MTUS2: variants seen among roughly 807,000 people sequenced by gnomAD.
The protein encoded by MTUS2 is microtubule-associated tumor suppressor candidate 2.
In MTUS2, 40 loss-of-function variants were observed where a neutral mutation model predicts 114.1. That is an observed-to-expected ratio of 0.35 (90% CI 0.27 to 0.46). The LOEUF is 0.46. MTUS2 is among the 20% of genes least tolerant of loss of function. The pLI is 1.00. For missense variants in MTUS2, 1,679 were observed against 1,705.4 expected (o/e 0.98, Z 0.27); for synonymous variants, 688 against 672.0 (o/e 1.02, Z -0.37).
At chr13:29,226,165 A>G (rs906129326) in intron 5 of MTUS2, among the ~76,000 whole-genome samples, 3 of 152,184 alleles carry the variant, frequency 2.0e-5, no homozygotes, top group Non-Finnish European at 4.4e-5. Context: ...ATAACATTAC[A>G]TATTCTTCAT....
intron 2 of MTUS2, among the ~76,000 whole-genome samples, chr13:29,006,831 C>G (rs1310106074): frequency 6.6e-6 from 1 of 152,172 alleles, no homozygotes; most frequent in Non-Finnish European, 1.5e-5. Flanking sequence ...TGACTCTCTT[C>G]TGATGCTGCA....
chr13:29,498,377 G>T, intron 13 of MTUS2, 41 bp from the exon 14 acceptor site: 1 of 1,611,008 alleles, frequency 6.2e-7, no homozygotes, highest in Non-Finnish European at 8.5e-7. Flanking sequence ...GGGTTTTGCC[G>T]GGAATCCTGG....
intron 5 of MTUS2, among the ~76,000 whole-genome samples, chr13:29,255,916 A>G (rs1232547729): frequency 6.6e-6 from 1 of 152,220 alleles, no homozygotes; most frequent in Non-Finnish European, 1.5e-5. Context: ...CTGACCCTGT[A>G]TCTACTGCCT....
At chr13:29,215,778 GCCAGC>G (rs534461067) in intron 5 of MTUS2, among the ~76,000 whole-genome samples, 3 of 152,244 alleles carry the variant, frequency 2.0e-5, no homozygotes. Context: ...CCTGCCACAT[GCCAGC>G]CAGAGCTCTC....
intron 5 of MTUS2, among the ~76,000 whole-genome samples, chr13:29,172,009 A>C (rs1271019833): frequency 6.6e-6 from 1 of 152,212 alleles, no homozygotes; most frequent in African/African-American, 2.4e-5. Context: ...AGGTGGCCAC[A>C]TGCCCCACTA....
chr13:29,163,796 A>G (rs1893200190), intron 5 of MTUS2, among the ~76,000 whole-genome samples: 2 of 152,170 alleles, frequency 1.3e-5, no homozygotes, highest in Non-Finnish European at 1.5e-5. Flanking sequence ...CAACCTATGC[A>G]TGAGACACTT....
intron 7 of MTUS2, among the ~76,000 whole-genome samples, chr13:29,351,084 T>A (rs955563039): frequency 6.6e-6 from 1 of 151,500 alleles, no homozygotes; most frequent in African/African-American, 2.4e-5. Flanking sequence ...CAGGTGGAAG[T>A]GGATTTCAAG....
chr13:29,094,403 C>A (rs975792792), intron 4 of MTUS2, among the ~76,000 whole-genome samples: 1 of 151,336 alleles, frequency 6.6e-6, no homozygotes, highest in African/African-American at 2.4e-5. Flanking sequence ...TCTATTTCTT[C>A]TTGATTCAGC....
chr13:29,046,156 C>G (rs1887607593), intron 4 of MTUS2, among the ~76,000 whole-genome samples: 2 of 151,666 alleles, frequency 1.3e-5, no homozygotes, highest in Admixed American at 1.3e-4. Context: ...CTCTGTCACC[C>G]AGGCTGGAGT....
intron 5 of MTUS2, among the ~76,000 whole-genome samples, chr13:29,154,636 G>C (rs1566036078): frequency 6.6e-6 from 1 of 152,192 alleles, no homozygotes; most frequent in South Asian, 2.1e-4. Flanking sequence ...TCTGCCAGGA[G>C]AATCAATGCA....
chr13:29,375,589 G>GAAA lies in MTUS2; in HGVS notation c.3117+16116_3117+16117insAAA, dbSNP rs1566163563. 3.1e-3 allele frequency among the ~76,000 whole-genome samples: 11 copies of GAAA among 3,556 alleles called. 3 individuals carry two copies. Among genetic ancestry groups the GAAA allele is most frequent in the African/African-American group, 9.6e-3 (11 of 1,146 alleles). The allele number at this position is 3,556 out of a possible 152,430, so 2.3% of individuals were successfully genotyped here. A position where few individuals can be genotyped will look rare whatever the true frequency, so the allele number is the denominator to read the frequency against. ...TATATATATACATATATATATATACGTATATATATATATATATACGTATAT... is the reference window on the plus strand; with the variant it reads ...TATATATATACATATATATATATACGAAATATATATATATATATATACGTATAT... On this transcript the variant is annotated intron_variant, in intron 8 of 15. Coordinates refer to ENST00000612955, the MANE Select transcript of MTUS2 (RefSeq NM_001033602.4).
At chr13:28,845,235 C>T (rs1875792145) in intron 2 of MTUS2, among the ~76,000 whole-genome samples, 2 of 152,216 alleles carry the variant, frequency 1.3e-5, no homozygotes, top group South Asian at 4.1e-4. Flanking sequence ...CAGGCGTGAG[C>T]CACCGCTCCT....
intron 6 of MTUS2, among the ~76,000 whole-genome samples, chr13:29,293,763 G>C (rs1207402028): frequency 6.6e-6 from 1 of 151,930 alleles, no homozygotes; most frequent in Non-Finnish European, 1.5e-5. Context: ...TAAAAAATGA[G>C]ATAGATCTAC....
chr13:28,911,813 C>T lies in MTUS2; in HGVS notation c.-243+71963C>T, dbSNP rs7995879. 6.2e-3 allele frequency among the ~76,000 whole-genome samples: 908 copies of T among 145,316 alleles called. 11 individuals carry two copies. Among genetic ancestry groups the T allele is most frequent in the African/African-American group, 0.021 (856 of 39,930 alleles). On this transcript the variant is annotated intron_variant, in intron 2 of 15. Coordinates refer to ENST00000612955, the MANE Select transcript of MTUS2 (RefSeq NM_001033602.4). ...CATATGAATGTCTTCTTTTGAGAAA[C>T]ATCTGTTCATATTCTTTGCCCACTT... is the stretch of plus-strand genomic sequence containing the variant.
At chr13:29,266,304 G>A (rs547191867) in intron 5 of MTUS2, among the ~76,000 whole-genome samples, 1 of 152,162 alleles carries the variant, frequency 6.6e-6, no homozygotes, top group East Asian at 1.9e-4. Flanking sequence ...TAAGCAACTT[G>A]TCCAAAGTCA....
chr13:29,066,322 A>G (rs975020422), intron 4 of MTUS2, among the ~76,000 whole-genome samples: 1 of 152,230 alleles, frequency 6.6e-6, no homozygotes, highest in African/African-American at 2.4e-5. Context: ...GCTGCAGCAT[A>G]TAGTCTGTGA....
At chr13:28,990,705 A>T (rs894580403) in intron 2 of MTUS2, among the ~76,000 whole-genome samples, 8 of 152,012 alleles carry the variant, frequency 5.3e-5, no homozygotes, top group African/African-American at 1.9e-4. Flanking sequence ...GGGCGGGGAC[A>T]AATAAGGGAA....
rs576307381 is a variant in MTUS2 at position 28,884,110 on chromosome 13, T to C, written c.-243+44260T>C. On this transcript the variant is annotated intron_variant, in intron 2 of 15. Coordinates refer to ENST00000612955, the MANE Select transcript of MTUS2 (RefSeq NM_001033602.4). ...CAAATAGATATTTGTACACTCATGT[T>C]CATAGCAGCATTATTCACTTTAGAC... 2.0e-5 allele frequency among the ~76,000 whole-genome samples: 3 copies of C among 152,340 alleles called. No homozygotes were observed. The East Asian group carries it at 5.8e-4, about 29-fold the overall frequency.
chr13:29,358,824 G>A (rs906407690), intron 7 of MTUS2, among the ~76,000 whole-genome samples: 1 of 152,144 alleles, frequency 6.6e-6, no homozygotes, highest in East Asian at 1.9e-4. Context: ...CCTCTACGGC[G>A]AAGAAAGGGG....
Sources: gnomAD v4.1 joint callset for allele counts (sites outside exome capture counted in the v4.1 genomes callset) on GRCh38, gnomAD v4.1.1 for gene constraint, MANE v1.5 for transcripts, NCBI Gene and HGNC (gene_info 2026-07-23, HGNC 2026-07-21) for gene names.